SIPA1L1: variants seen among roughly 807,000 people sequenced by gnomAD.
SIPA1L1 encodes signal induced proliferation associated 1 like 1, also known as signal-induced proliferation-associated 1-like protein 1.
A neutral mutation model predicts 162.7 loss-of-function variants in SIPA1L1; 26 were observed. The observed-to-expected ratio is 0.16, with a 90% confidence interval of 0.12 to 0.22. The LOEUF (loss-of-function observed/expected upper bound fraction) is 0.22. Ranked by LOEUF, SIPA1L1 falls within the 10% of genes least tolerant of loss-of-function variation. SIPA1L1 has a pLI of 1.00. For missense variants in SIPA1L1, 1,874 were observed against 2,241.0 expected (o/e 0.84, Z 3.31); for synonymous variants, 829 against 837.4 (o/e 0.99, Z 0.17).
At chr14:71,511,203 C>A (rs2051120325) in intron 2 of SIPA1L1, among the ~76,000 whole-genome samples, 1 of 152,276 alleles carries the variant, frequency 6.6e-6, no homozygotes, top group African/African-American at 2.4e-5. Flanking sequence ...TATGTTTAGT[C>A]TCTGACCTGG....
intron 3 of SIPA1L1, among the ~76,000 whole-genome samples, chr14:71,520,834 C>T (rs1272232248): frequency 6.6e-6 from 1 of 152,128 alleles, no homozygotes; most frequent in Non-Finnish European, 1.5e-5. Flanking sequence ...CTCACTGCAG[C>T]CTCCATCTCC....
chr14:71,577,089 G>C (rs1008397916), intron 4 of SIPA1L1, among the ~76,000 whole-genome samples: 1 of 144,372 alleles, frequency 6.9e-6, no homozygotes, highest in Admixed American at 6.9e-5. Context: ...AAAAAAAGAA[G>C]AAAAAGAAAA....
chr14:71,321,609 T>C (rs1297821747), intron 2 of SIPA1L1: 1 of 152,264 alleles, frequency 6.6e-6, no homozygotes, highest in East Asian at 1.9e-4. Flanking sequence ...AACAGCTCGG[T>C]GCCCGAGGGT....
intron 15 of SIPA1L1, among the ~76,000 whole-genome samples, chr14:71,702,944 G>A (rs992853909): frequency 6.6e-6 from 1 of 152,148 alleles, no homozygotes; most frequent in Non-Finnish European, 1.5e-5. Flanking sequence ...CCTCCCTGAT[G>A]TGCTTTTAAA....
At chr14:71,553,469 T>TC (rs2056061307) in intron 4 of SIPA1L1, among the ~76,000 whole-genome samples, 1 of 152,246 alleles carries the variant, frequency 6.6e-6, no homozygotes, top group Non-Finnish European at 1.5e-5. Flanking sequence ...CATTCTTTTT[T>TC]CCTCTCTTCT....
At chr14:71,475,929 G>A (rs1178981966) in intron 2 of SIPA1L1, among the ~76,000 whole-genome samples, 1 of 152,192 alleles carries the variant, frequency 6.6e-6, no homozygotes, top group Non-Finnish European at 1.5e-5. Context: ...ACCAAGGCTG[G>A]ATCATTTTTG....
At chr14:71,710,709 G>A (rs1045259611) in intron 17 of SIPA1L1, among the ~76,000 whole-genome samples, 2 of 151,304 alleles carry the variant, frequency 1.3e-5, no homozygotes, top group Non-Finnish European at 2.9e-5. Flanking sequence ...TTGGGAGGCT[G>A]AGGCAGGAGA....
chr14:71,523,787 T>A (rs556161431), intron 3 of SIPA1L1, among the ~76,000 whole-genome samples: 1 of 152,364 alleles, frequency 6.6e-6, no homozygotes, highest in African/African-American at 2.4e-5. Context: ...GACTTGTGGA[T>A]GTTTGTTTTA....
chr14:71,419,242 T>C (rs1292693361), intron 2 of SIPA1L1, among the ~76,000 whole-genome samples: 1 of 152,038 alleles, frequency 6.6e-6, no homozygotes, highest in Non-Finnish European at 1.5e-5. Context: ...AGGGTTTTTT[T>C]TTTTTTTAAG....
chr14:71,574,524 G>C (rs1345448740), intron 4 of SIPA1L1: 1 of 152,168 alleles, frequency 6.6e-6, no homozygotes, highest in African/African-American at 2.4e-5. Context: ...ATCTCCTTGA[G>C]GATTTAAGCG....
intron 17 of SIPA1L1, 71 bp from the exon 18 acceptor site, chr14:71,723,576 C>A: frequency 6.4e-7 from 1 of 1,573,926 alleles, no homozygotes; most frequent in Admixed American, 1.7e-5. Context: ...ATCACCCGTA[C>A]CCCGGACAGC....
At chr14:71,395,842 C>T (rs12589202) in intron 2 of SIPA1L1, among the ~76,000 whole-genome samples, 1 of 152,242 alleles carries the variant, frequency 6.6e-6, no homozygotes, top group South Asian at 2.1e-4. Flanking sequence ...GCTAGAAACT[C>T]TATATATGTT....
intron 5 of SIPA1L1, among the ~76,000 whole-genome samples, chr14:71,611,109 A>G (rs772511305): frequency 2.6e-5 from 4 of 152,194 alleles, no homozygotes; most frequent in South Asian, 2.1e-4. Flanking sequence ...CCTTAAAATT[A>G]GGATGAGCCC....
chr14:71,505,651 G>T (rs552832660), intron 2 of SIPA1L1, among the ~76,000 whole-genome samples: 1 of 151,832 alleles, frequency 6.6e-6, no homozygotes, highest in East Asian at 1.9e-4. Flanking sequence ...TTTAATCTTG[G>T]TAGGTATATT....
chr14:71,545,350 T>A (rs2055089745), intron 4 of SIPA1L1, among the ~76,000 whole-genome samples: 1 of 152,224 alleles, frequency 6.6e-6, no homozygotes, highest in Non-Finnish European at 1.5e-5. Context: ...ACGAACCTCT[T>A]CACTTAACTT....
intron 2 of SIPA1L1, among the ~76,000 whole-genome samples, chr14:71,438,171 C>G (rs532827227): frequency 6.6e-6 from 1 of 152,008 alleles, no homozygotes; most frequent in Non-Finnish European, 1.5e-5. Flanking sequence ...AAACAAAACT[C>G]GTCACCATAG....
chr14:71,607,209 CA>C (rs1043954617), intron 5 of SIPA1L1, among the ~76,000 whole-genome samples: 2 of 151,504 alleles, frequency 1.3e-5, no homozygotes, highest in African/African-American at 4.9e-5. Context: ...TCACTATGAA[CA>C]ATGGTGGTTT....
intron 4 of SIPA1L1, among the ~76,000 whole-genome samples, chr14:71,537,035 G>T (rs1033030676): frequency 6.6e-6 from 1 of 152,120 alleles, no homozygotes; most frequent in Non-Finnish European, 1.5e-5. Flanking sequence ...TTAGGGTTGT[G>T]CATGGGTTGG....
At chr14:71,516,303 A>G (rs2051722668) in intron 3 of SIPA1L1, among the ~76,000 whole-genome samples, 1 of 152,238 alleles carries the variant, frequency 6.6e-6, no homozygotes. Context: ...ATATTTAAAC[A>G]AATTGATACA....
Sources: gnomAD v4.1 joint callset for allele counts (sites outside exome capture counted in the v4.1 genomes callset) on GRCh38, gnomAD v4.1.1 for gene constraint, MANE v1.5 for transcripts, NCBI Gene and HGNC (gene_info 2026-07-23, HGNC 2026-07-21) for gene names.